The following PCCA variants were observed in gnomAD, a reference collection of about 807,000 sequenced individuals.
PCCA encodes the protein propionyl-CoA carboxylase subunit alpha, also known as propionyl-CoA carboxylase alpha chain, mitochondrial.
In PCCA, 74 loss-of-function variants were observed where a neutral mutation model predicts 101.3. The observed-to-expected ratio is 0.73, with a 90% CI of 0.61 to 0.89. PCCA has a LOEUF of 0.89. Among genes scored for constraint, PCCA ranks in the 40% least tolerant of loss-of-function variants. The probability of loss-of-function intolerance (pLI) is 0.00; values close to 1 mark genes in which losing one functional copy is unlikely to be tolerated. For synonymous variants in PCCA, 294 were observed against 313.6 expected (o/e 0.94, Z 0.66); for missense variants, 891 against 907.0 (o/e 0.98, Z 0.23).
chr13:100,418,791 G>A (rs967992893), intron 19 of PCCA, among the ~76,000 whole-genome samples: 2 of 150,702 alleles, frequency 1.3e-5, no homozygotes, highest in African/African-American at 2.4e-5. Flanking sequence ...CCAAGATCAT[G>A]CCATCGTACT....
At chr13:100,406,001 G>A (rs899050289) in intron 19 of PCCA, among the ~76,000 whole-genome samples, 14 of 151,894 alleles carry the variant, frequency 9.2e-5, no homozygotes, top group Admixed American at 7.2e-4. Flanking sequence ...TCTTGACCTC[G>A]TGATCCACCC....
At chr13:100,513,192 A>G (rs986073552) in intron 21 of PCCA, among the ~76,000 whole-genome samples, 5 of 152,258 alleles carry the variant, frequency 3.3e-5, no homozygotes, top group Admixed American at 6.5e-5. Flanking sequence ...GCTCAGGACA[A>G]CATCAAAGGT....
At chr13:100,118,054 T>C (rs2048985820) in intron 4 of PCCA, among the ~76,000 whole-genome samples, 1 of 149,322 alleles carries the variant, frequency 6.7e-6, no homozygotes, top group South Asian at 2.1e-4. Flanking sequence ...AGGCGGAGCT[T>C]GCAGTGAGCT....
chr13:100,437,550 T>TA (rs397966586), intron 20 of PCCA, among the ~76,000 whole-genome samples: 2 of 152,014 alleles, frequency 1.3e-5, no homozygotes, highest in South Asian at 2.1e-4. Context: ...TTTTTTTTTT[T>TA]ACCAGTGTTT....
At chr13:100,393,143 T>C (rs913766670) in intron 19 of PCCA, among the ~76,000 whole-genome samples, 1 of 152,198 alleles carries the variant, frequency 6.6e-6, no homozygotes, top group Non-Finnish European at 1.5e-5. Flanking sequence ...GCTTATGGGT[T>C]GTGTCACATT....
intron 19 of PCCA, among the ~76,000 whole-genome samples, chr13:100,416,754 G>A (rs1486767091): frequency 2.0e-5 from 3 of 151,130 alleles, no homozygotes; most frequent in Non-Finnish European, 4.4e-5. Context: ...CAAACTCCTG[G>A]CCCCATAATC....
chr13:100,285,938 G>A (rs1481102957), intron 12 of PCCA, among the ~76,000 whole-genome samples: 1 of 152,150 alleles, frequency 6.6e-6, no homozygotes. Context: ...TGCCCAGTTA[G>A]TGGAACTAGT....
intron 6 of PCCA, among the ~76,000 whole-genome samples, chr13:100,162,164 C>T (rs931854838): frequency 6.6e-6 from 1 of 151,748 alleles, no homozygotes; most frequent in African/African-American, 2.4e-5. Flanking sequence ...GTAAGATACT[C>T]TTAGTTGCTT....
chr13:100,527,479 C>A, intron 22 of PCCA, 196 bp from the exon 23 acceptor site: 1 of 618,012 alleles, frequency 1.6e-6, no homozygotes, highest in Non-Finnish European at 2.9e-6. Flanking sequence ...CCAACGAGGA[C>A]TTTATGAGAG....
chr13:100,165,658 C>A (rs557618214), intron 6 of PCCA, among the ~76,000 whole-genome samples: 2 of 152,202 alleles, frequency 1.3e-5, no homozygotes, highest in South Asian at 2.1e-4. Context: ...CTATCAATCT[C>A]ATTTTCATTT....
chr13:100,395,762 T>C (rs2077015575), intron 19 of PCCA, among the ~76,000 whole-genome samples: 1 of 152,206 alleles, frequency 6.6e-6, no homozygotes, highest in South Asian at 2.1e-4. Flanking sequence ...TTGGTAGAAA[T>C]ATAGAATCTC....
At chr13:100,195,291 A>G (rs1179776903) in intron 6 of PCCA, among the ~76,000 whole-genome samples, 1 of 152,204 alleles carries the variant, frequency 6.6e-6, no homozygotes, top group Non-Finnish European at 1.5e-5. Context: ...CATCTAAAAG[A>G]AAAACTAAAA....
chr13:100,513,115 G>C (rs191742012), intron 21 of PCCA, among the ~76,000 whole-genome samples: 8 of 152,220 alleles, frequency 5.3e-5, no homozygotes, highest in African/African-American at 1.4e-4. Context: ...CACGCGCCCC[G>C]TGCAGCACAG....
rs189751249 is a variant in PCCA, at chr13:100,352,138, C to A, written c.1643+11879C>A. Among the ~76,000 whole-genome samples the A allele has an allele frequency of 3.4e-3, 514 of 152,052 alleles. 4 individuals are homozygous for A. Among genetic ancestry groups the A allele is most frequent in the African/African-American group, 0.012 (494 of 41,476 alleles). On this transcript the variant is annotated intron_variant, in intron 18 of 23. Coordinates refer to ENST00000376285, the MANE Select transcript of PCCA (RefSeq NM_000282.4). Reference sequence around the variant, plus strand: ...GATATGACATATAGAAAGTAAAAAGCAAAATGGTAGATGTAAATCCTACCT... The same window carrying A: ...GATATGACATATAGAAAGTAAAAAGAAAAATGGTAGATGTAAATCCTACCT...
At chr13:100,143,752 T>G (rs1019740831) in intron 4 of PCCA, among the ~76,000 whole-genome samples, 4 of 151,896 alleles carry the variant, frequency 2.6e-5, no homozygotes, top group African/African-American at 9.7e-5. Context: ...TTCTTTTTGT[T>G]GTTGTTGTTT....
chr13:100,092,546 C>A (rs940437598), intron 1 of PCCA, among the ~76,000 whole-genome samples: 6 of 152,090 alleles, frequency 3.9e-5, no homozygotes, highest in African/African-American at 1.4e-4. Context: ...CCACACCTGG[C>A]TATTTTTTAA....
At chr13:100,285,717 A>T (rs1384745203) in intron 12 of PCCA, among the ~76,000 whole-genome samples, 1 of 152,104 alleles carries the variant, frequency 6.6e-6, no homozygotes, top group Admixed American at 6.5e-5. Context: ...CTCCCAGAGG[A>T]TGGGGAACCA....
chr13:100,415,583 G>A (rs778708116), intron 19 of PCCA, among the ~76,000 whole-genome samples: 2 of 152,176 alleles, frequency 1.3e-5, no homozygotes, highest in East Asian at 1.9e-4. Context: ...ATCATCTTCA[G>A]AAGTAGAAGC....
chr13:100,291,821 T>G (rs1352209649), intron 12 of PCCA, among the ~76,000 whole-genome samples: 2 of 152,220 alleles, frequency 1.3e-5, no homozygotes, highest in Non-Finnish European at 2.9e-5. Context: ...GAGCCTTTAT[T>G]GACTTTTCCC....
Sources: allele counts gnomAD v4.1 joint callset (sites outside exome capture counted in the v4.1 genomes callset), GRCh38; gene constraint gnomAD v4.1.1; transcripts MANE v1.5; gene names NCBI Gene and HGNC (gene_info 2026-07-23, HGNC 2026-07-21).